DNAH5: variants seen among roughly 807,000 people sequenced by gnomAD.
The protein encoded by DNAH5 is axonemal beta dynein heavy chain 5.
In DNAH5, 372 loss-of-function variants were observed where a neutral mutation model predicts 518.2. The ratio of observed to expected loss-of-function variants is 0.72; its 90% confidence interval spans 0.66 to 0.78. The LOEUF (loss-of-function observed/expected upper bound fraction) is 0.78. Among genes scored for constraint, DNAH5 ranks in the 30% least tolerant of loss-of-function variants. DNAH5 has a pLI of 0.00. For missense variants in DNAH5, 5,523 were observed against 5,687.0 expected, an observed-to-expected ratio of 0.97 and a Z score of 0.93; for synonymous variants, 2,039 against 2,025.9, an observed-to-expected ratio of 1.01 and a Z score of -0.17.
rs1742074967 is a variant in DNAH5, at chr5:13,701,276, G to A, written c.13491+8C>T. On this transcript the variant is annotated splice_region_variant and intron_variant, in intron 77 of 78. Transcript: ENST00000265104. ...AATAACGCAACGGGTGCAAATCAGA[G>A]CTCTTACCTGTCGCATTGCAGTTAA... The A allele has an allele frequency of 2.5e-6, 4 of 1,613,930 alleles. No homozygotes were observed. Among genetic ancestry groups the A allele is most frequent in the Non-Finnish European group, 3.4e-6 (4 of 1,179,956 alleles).
intron 78 of DNAH5, 29 bp from the exon 79 acceptor site, chr5:13,692,164 G>C (rs376239289): frequency 4.3e-6 from 7 of 1,613,020 alleles, no homozygotes; most frequent in Non-Finnish European, 5.9e-6. Flanking sequence ...AAAAGAACTT[G>C]GTGAAATTTC....
At chr5:13,935,137 G>A (rs1290951791) in intron 1 of DNAH5, among the ~76,000 whole-genome samples, 1 of 152,140 alleles carries the variant, frequency 6.6e-6, no homozygotes, top group African/African-American at 2.4e-5. Flanking sequence ...TAGACAGCCA[G>A]AAGATTCAAG....
At chr5:13,950,306 G>A (rs996170816) in intron 1 of DNAH5, among the ~76,000 whole-genome samples, 10 of 151,056 alleles carry the variant, frequency 6.6e-5, no homozygotes, top group African/African-American at 2.4e-4. Flanking sequence ...TTTTTGAGAT[G>A]GGAGTTTTGC....
intron 3 of DNAH5, among the ~76,000 whole-genome samples, chr5:13,926,942 C>T (rs1777931886): frequency 6.6e-6 from 1 of 152,162 alleles, no homozygotes; most frequent in Admixed American, 6.5e-5. Flanking sequence ...AAATTGACAG[C>T]TTTGAGAAAA....
At chr5:13,862,835 T>G in intron 28 of DNAH5, 88 bp from the exon 29 acceptor site, 1 of 561,344 alleles carries the variant, frequency 1.8e-6, no homozygotes, top group Non-Finnish European at 2.9e-6. Flanking sequence ...TCTTCACTAT[T>G]TGCTTCATAT....
At position 13,788,872 on chromosome 5, in the gene DNAH5, C is replaced by T. The variant is rs1281943267; in HGVS notation, c.8491G>A (p.Ala2831Thr). Residue 2831 changes from alanine to threonine, a missense_variant, in exon 51 of 79, where the codon GCT becomes ACT. Around this residue, in one of 3 missense-constraint regions of DNAH5, gnomAD observed 5,121 missense variants for 5,223.3 expected, o/e 0.98. Coordinates refer to ENST00000265104, the MANE Select transcript of DNAH5 (RefSeq NM_001369.3). ...LWKHECKRVI[A>T]DRFTVSSDVT... The stretch of plus-strand genomic sequence containing the variant: ...TCACTGGACACTGTGAAACGGTCAG[C>T]TATAACACGTTTACACTCATGCTTC... 1.9e-6 allele frequency: 3 copies of T among 1,614,126 alleles called. No homozygotes were observed. Among genetic ancestry groups the T allele is most frequent in the South Asian group, 1.1e-5 (1 of 91,080 alleles).
chr5:14,005,592 A>C (rs1303388762), intron 1 of DNAH5, among the ~76,000 whole-genome samples: 1 of 152,204 alleles, frequency 6.6e-6, no homozygotes, highest in African/African-American at 2.4e-5. Context: ...AATCTTCAAA[A>C]TGCAGCACCT....
intron 32 of DNAH5, among the ~76,000 whole-genome samples, chr5:13,842,305 A>G (rs2151863245): frequency 6.6e-6 from 1 of 151,966 alleles, no homozygotes; most frequent in South Asian, 2.1e-4. Context: ...ACTTGAACAC[A>G]GGAGGCGGAG....
chr5:13,876,640 T>C lies in DNAH5; in HGVS notation c.3396+44A>G, dbSNP rs548253189. 6.2e-5 allele frequency: 99 copies of C among 1,605,934 alleles called. 1 individual carries two copies. In the South Asian group the frequency reaches 1.0e-3, roughly 17 times the overall value. ...TGATGTTCACTTTCACACAAGTGCATGTTGCAAAGCAAAAGGTCCGGCTGC... is the reference window on the plus strand; with the variant it reads ...TGATGTTCACTTTCACACAAGTGCACGTTGCAAAGCAAAAGGTCCGGCTGC... On this transcript the variant is annotated intron_variant, in intron 22 of 78. Coordinates refer to ENST00000265104, the MANE Select transcript of DNAH5 (RefSeq NM_001369.3).
chr5:13,905,569 A>G (rs1422368843), intron 12 of DNAH5, among the ~76,000 whole-genome samples: 1 of 152,228 alleles, frequency 6.6e-6, no homozygotes, highest in Admixed American at 6.5e-5. Flanking sequence ...AACATTCAGT[A>G]TACCACTACA....
chr5:13,990,360 G>C (rs1217732036), intron 1 of DNAH5, among the ~76,000 whole-genome samples: 2 of 151,744 alleles, frequency 1.3e-5, no homozygotes, highest in African/African-American at 4.8e-5. Context: ...AGACCATCCT[G>C]GCTAACATGG....
chr5:13,879,598 A>G (rs1279015022), intron 21 of DNAH5, among the ~76,000 whole-genome samples: 1 of 152,086 alleles, frequency 6.6e-6, no homozygotes, highest in Non-Finnish European at 1.5e-5. Context: ...GAACTTCAAC[A>G]AAGACAGAAA....
At chr5:14,007,110 T>C (rs1295784061) in intron 1 of DNAH5, among the ~76,000 whole-genome samples, 1 of 152,228 alleles carries the variant, frequency 6.6e-6, no homozygotes, top group Non-Finnish European at 1.5e-5. Flanking sequence ...TTCCCTGACA[T>C]ATCCTCAGCC....
Position 13,919,409 on chromosome 5 carries a change from T to C in DNAH5, c.799-57A>G, listed in dbSNP as rs567120949. The C allele has an allele frequency of 5.4e-5, 86 of 1,588,402 alleles. 4 individuals carry two copies. In the South Asian group the frequency reaches 9.6e-4, roughly 18 times the overall value. The stretch of plus-strand genomic sequence containing the variant: ...TGCACGGGGCTGGAGACGCTAAAGT[T>C]ATAAACAAGCAAAAAACAAATAAGG... On this transcript the variant is annotated intron_variant, in intron 6 of 78. Coordinates refer to ENST00000265104, the MANE Select transcript of DNAH5 (RefSeq NM_001369.3).
chr5:13,757,869 T>C (rs1335760210), intron 61 of DNAH5, among the ~76,000 whole-genome samples: 1 of 152,160 alleles, frequency 6.6e-6, no homozygotes, highest in East Asian at 1.9e-4. Context: ...TTATCTAAAC[T>C]CTTTTATTGG....
In DNAH5 at chr5:13,714,482, C is replaced by A. The variant is rs1390319056; in HGVS notation, c.13048G>T (p.Glu4350Ter). The part of the protein sequence containing the change: ...QPKDTSGGGD[E>*]TREAVVARLA... ...CGGGCCACCACCGCCTCCCGGGTCT[C>A]ATCCCCTCCACCAGAGGTGTCCTTG... The change falls in exon 75 of 79, where the codon GAG (glutamate) becomes TAG (stop). Residue 4350 changes from glutamate (E) to a stop codon, truncating the protein, a stop_gained. Coordinates refer to ENST00000265104, the MANE Select transcript of DNAH5 (RefSeq NM_001369.3). LOFTEE classifies it high-confidence loss of function. 6.2e-7 allele frequency: 1 copy of A among 1,614,180 alleles called. No individual in the cohort carries two copies.
intron 24 of DNAH5, among the ~76,000 whole-genome samples, chr5:13,869,322 GA>G (rs2151916076): frequency 3.6e-5 from 1 of 28,094 alleles, no homozygotes; most frequent in South Asian, 8.9e-4. Flanking sequence ...TTTACAACTG[GA>G]GTTTTTTTTA....
At chr5:13,936,616 T>C (rs886425390) in intron 1 of DNAH5, among the ~76,000 whole-genome samples, 4 of 152,190 alleles carry the variant, frequency 2.6e-5, no homozygotes, top group Admixed American at 2.0e-4. Context: ...AAGAGGTTTG[T>C]GAGGGTTAAA....
intron 1 of DNAH5, among the ~76,000 whole-genome samples, chr5:13,980,259 G>C (rs1160382561): frequency 1.3e-5 from 2 of 151,938 alleles, no homozygotes; most frequent in African/African-American, 4.8e-5. Flanking sequence ...GGTTATGTTG[G>C]CTCAGAGCCC....
Sources: gnomAD v4.1 joint callset for allele counts (sites outside exome capture counted in the v4.1 genomes callset) on GRCh38, gnomAD v4.1.1 for gene constraint, gnomAD v4.1.1 regional missense constraint, MANE v1.5 for transcripts, NCBI Gene and HGNC (gene_info 2026-07-23, HGNC 2026-07-21) for gene names.